The following ACO2 variants were observed in gnomAD, a reference collection of about 807,000 sequenced individuals.
The protein encoded by ACO2 is aconitase 2.
ACO2 carries 31 observed loss-of-function variants against 84.5 expected under a neutral mutation model. The ratio of observed to expected loss-of-function variants is 0.37; its 90% CI spans 0.28 to 0.50. The LOEUF (loss-of-function observed/expected upper bound fraction) is 0.50, where lower values mean the gene tolerates loss of function less well. Among genes scored for constraint, ACO2 ranks in the 20% least tolerant of loss-of-function variants. ACO2 has a pLI of 0.97. For missense variants in ACO2, 685 were observed against 1,029.3 expected, an observed-to-expected ratio of 0.67 and a Z score of 4.58; for synonymous variants, 414 against 412.7, an observed-to-expected ratio of 1.00 and a Z score of -0.04.
chr22:41,495,886 C>G (rs2066310040), intron 1 of ACO2, among the ~76,000 whole-genome samples: 1 of 151,386 alleles, frequency 6.6e-6, no homozygotes, highest in Admixed American at 6.6e-5. Context: ...CAGGCGTGAG[C>G]CACCGCGCTC....
At chr22:41,486,263 A>G (rs2038153238) in intron 1 of ACO2, among the ~76,000 whole-genome samples, 1 of 152,080 alleles carries the variant, frequency 6.6e-6, no homozygotes, top group Admixed American at 6.6e-5. Flanking sequence ...ATGTGCTGCT[A>G]GGAAAGAGGG....
intron 6 of ACO2, chr22:41,517,192 A>G: frequency 3.0e-6 from 1 of 337,456 alleles, no homozygotes; most frequent in East Asian, 6.8e-5. Flanking sequence ...GTCAGCCTAC[A>G]GTACGTGGTG....
intron 1 of ACO2, among the ~76,000 whole-genome samples, chr22:41,483,920 A>C (rs1317164568): frequency 1.3e-5 from 2 of 152,168 alleles, no homozygotes; most frequent in Non-Finnish European, 2.9e-5. Flanking sequence ...AGTTCCAGAG[A>C]GGTATTAGAC....
At chr22:41,479,264 G>A (rs776456612) in intron 1 of ACO2, among the ~76,000 whole-genome samples, 5 of 152,310 alleles carry the variant, frequency 3.3e-5, no homozygotes, top group Non-Finnish European at 5.9e-5. Flanking sequence ...TGCCCATCCA[G>A]GCCTGGAGGA....
intron 13 of ACO2, 92 bp downstream of exon 13, chr22:41,525,060 C>T (rs149264383): frequency 5.9e-5 from 94 of 1,604,946 alleles, no homozygotes; most frequent in African/African-American, 2.3e-4. Context: ...GCAGGGAGGG[C>T]GCTGCTAGTG....
intron 1 of ACO2, among the ~76,000 whole-genome samples, chr22:41,483,694 G>T (rs2038116739): frequency 6.6e-6 from 1 of 151,770 alleles, no homozygotes; most frequent in African/African-American, 2.4e-5. Context: ...TATGCCCAAG[G>T]CATCATCATC....
chr22:41,469,234 G>C (rs1431990279), intron 1 of ACO2, 52 bp downstream of exon 1: 3 of 1,582,298 alleles, frequency 1.9e-6, no homozygotes, highest in Non-Finnish European at 2.6e-6. Flanking sequence ...GCCTCCTACT[G>C]TGCCGGCGGC....
At chr22:41,469,727 TA>T (rs1293284896) in intron 1 of ACO2, among the ~76,000 whole-genome samples, 1 of 152,214 alleles carries the variant, frequency 6.6e-6, no homozygotes, top group Non-Finnish European at 1.5e-5. Context: ...CCATACGTAG[TA>T]AATAATATAA....
chr22:41,471,647 A>G (rs1295686472), intron 1 of ACO2, among the ~76,000 whole-genome samples: 1 of 152,190 alleles, frequency 6.6e-6, no homozygotes, highest in Non-Finnish European at 1.5e-5. Flanking sequence ...TCAGCCAAAT[A>G]TAGTATTTTT....
chr22:41,511,804 G>T, intron 3 of ACO2, 72 bp from the exon 4 acceptor site: 2 of 1,118,692 alleles, frequency 1.8e-6, no homozygotes, highest in East Asian at 5.4e-5. Flanking sequence ...TGATGGGGTG[G>T]GGAGGGCTTG....
At chr22:41,505,553 G>C (rs1013672272) in intron 2 of ACO2, among the ~76,000 whole-genome samples, 10 of 152,304 alleles carry the variant, frequency 6.6e-5, no homozygotes, top group African/African-American at 2.2e-4. Flanking sequence ...GGGCCACACT[G>C]CTGCCTCTTC....
At chr22:41,490,497 A>T (rs1349800320) in intron 1 of ACO2, among the ~76,000 whole-genome samples, 1 of 152,224 alleles carries the variant, frequency 6.6e-6, no homozygotes, top group Non-Finnish European at 1.5e-5. Context: ...AATTTATTCA[A>T]TCAGTGCCCT....
At chr22:41,486,819 CT>C (rs2038163244) in intron 1 of ACO2, among the ~76,000 whole-genome samples, 1 of 152,032 alleles carries the variant, frequency 6.6e-6, no homozygotes, top group African/African-American at 2.4e-5. Flanking sequence ...TACCTGGTTC[CT>C]TTTTGTCTCC....
chr22:41,472,598 C>T (rs151334776), intron 1 of ACO2, among the ~76,000 whole-genome samples: 2 of 152,030 alleles, frequency 1.3e-5, no homozygotes, highest in African/African-American at 4.8e-5. Flanking sequence ...GAAAATAGAA[C>T]GTGGGTTTTG....
At chr22:41,523,760 T>A (rs1411589353) in intron 11 of ACO2, 70 bp from the exon 12 acceptor site, 3 of 1,386,776 alleles carry the variant, frequency 2.2e-6, no homozygotes, top group East Asian at 4.6e-5. Flanking sequence ...GGAACCCAGC[T>A]TATCTGTCCT....
chr22:41,494,409 A>C (rs1233773487), intron 1 of ACO2, among the ~76,000 whole-genome samples: 1 of 148,002 alleles, frequency 6.8e-6, no homozygotes, highest in Non-Finnish European at 1.5e-5. Flanking sequence ...TGTATTCTGT[A>C]TCTTTTTTTT....
At position 41,526,357 on chromosome 22, in the gene ACO2, T is replaced by C. The variant is rs2066595891; in HGVS notation, c.1857T>C (p.Ile619=). ...ATAACATCTCCAACAACCTGCTCAT[T>C]GGTGCCATCAACATTGAAAACGGCA... ...HLDNISNNLL[I]GAINIENGKA... Residue 619 remains isoleucine, a synonymous_variant, in exon 15 of 18, where the codon ATT becomes ATC. Coordinates refer to ENST00000216254, the MANE Select transcript of ACO2 (RefSeq NM_001098.3). 2 of 1,613,656 alleles carry C rather than the reference T, an allele frequency of 1.2e-6. No individual in the cohort carries two copies. The highest frequency in any genetic ancestry group is 1.3e-5 in the African/African-American group (1 of 75,060).
At chr22:41,526,063 A>G in intron 14 of ACO2, 199 bp from the exon 15 acceptor site, 1 of 538,576 alleles carries the variant, frequency 1.9e-6, no homozygotes, top group Non-Finnish European at 3.3e-6. Context: ...CTTTGAGGGG[A>G]TGAAGGCCTG....
rs186195174 is a variant in ACO2, at chr22:41,490,721, G to A, written c.37-9005G>A. ...AGTCTAACTAAAAGCATCTAAGACT[G>A]ATAAAGTATTGATTTGCCTTGATAA... On this transcript the variant is annotated intron_variant, in intron 1 of 17. Transcript: ENST00000216254. 2.6e-3 allele frequency among the ~76,000 whole-genome samples: 400 copies of A among 152,270 alleles called. 3 individuals carry two copies. Among genetic ancestry groups the A allele is most frequent in the African/African-American group, 9.1e-3 (379 of 41,552 alleles).
Sources: gnomAD v4.1 joint callset for allele counts (sites outside exome capture counted in the v4.1 genomes callset) on GRCh38, gnomAD v4.1.1 for gene constraint, MANE v1.5 for transcripts, NCBI Gene and HGNC (gene_info 2026-07-23, HGNC 2026-07-21) for gene names.